NPHP4: variants seen among roughly 807,000 people sequenced by gnomAD.
NPHP4 encodes the protein nephrocystin 4.
A neutral mutation model predicts 155.8 loss-of-function variants in NPHP4; 151 were observed. The ratio of observed to expected loss-of-function variants is 0.97; its 90% CI spans 0.85 to 1.11. NPHP4 has a LOEUF of 1.11. NPHP4 is among the 50% of genes least tolerant of loss of function. NPHP4 has a pLI of 0.00. For missense variants in NPHP4, 1,956 were observed against 1,925.7 expected (o/e 1.02, Z -0.29); for synonymous variants, 845 against 816.8 (o/e 1.03, Z -0.59).
chr1:5,950,674 C>T (rs1279775272), intron 7 of NPHP4, among the ~76,000 whole-genome samples: 13 of 152,186 alleles, frequency 8.5e-5, no homozygotes, highest in Admixed American at 8.5e-4. Context: ...CTGGCTGCCA[C>T]AGGAGAGGCC....
intron 1 of NPHP4, among the ~76,000 whole-genome samples, chr1:5,986,991 C>G (rs1482504384): frequency 5.3e-5 from 8 of 151,966 alleles, no homozygotes; most frequent in African/African-American, 1.7e-4. Flanking sequence ...CCTGAAACTG[C>G]CCGGGGCCAC....
At chr1:5,979,696 T>C (rs1654329900) in intron 2 of NPHP4, among the ~76,000 whole-genome samples, 1 of 152,084 alleles carries the variant, frequency 6.6e-6, no homozygotes, top group Non-Finnish European at 1.5e-5. Flanking sequence ...CTAATTTTTG[T>C]ACTTTTTGTA....
intron 11 of NPHP4, among the ~76,000 whole-genome samples, chr1:5,927,192 C>A (rs569740086): frequency 6.6e-6 from 1 of 152,224 alleles, no homozygotes; most frequent in Non-Finnish European, 1.5e-5. Context: ...GCCCTTGCTG[C>A]TTGTAGCCAA....
chr1:5,950,658 C>A (rs778761295), intron 7 of NPHP4, among the ~76,000 whole-genome samples: 1 of 152,158 alleles, frequency 6.6e-6, no homozygotes, highest in Admixed American at 6.5e-5. Context: ...CGAGAGCAAG[C>A]CCAGACTGGC....
Position 5,964,941 on chromosome 1 carries a change from A to ATATT in NPHP4, c.517+2357_517+2358insAATA. On this transcript the variant is annotated intron_variant, in intron 5 of 29. Transcript: ENST00000378156. ...ATTATATATATATATATATATATATATTTTTTTTTTTTGAGGCAGGGTCTC... is the reference window on the plus strand; with the variant it reads ...ATTATATATATATATATATATATATATATTTTTTTTTTTTTTGAGGCAGGGTCTC... 1.1e-3 allele frequency among the ~76,000 whole-genome samples: 65 copies of ATATT among 59,396 alleles called. 2 individuals are homozygous for ATATT. The highest frequency in any genetic ancestry group is 0.013 in the Middle Eastern group (1 of 78). 39.0% of individuals were successfully genotyped at this position (59,396 alleles called of 152,430 possible). A position where few individuals can be genotyped will look rare whatever the true frequency, so the allele number is the denominator to read the frequency against.
chr1:5,891,933 G>A (rs971648728), intron 16 of NPHP4, among the ~76,000 whole-genome samples: 2 of 152,236 alleles, frequency 1.3e-5, no homozygotes, highest in Non-Finnish European at 2.9e-5. Context: ...TCCGGACAGG[G>A]GACCTAGGGG....
At chr1:5,964,941 A>ATTT (rs55734317) in intron 5 of NPHP4, among the ~76,000 whole-genome samples, 9 of 59,418 alleles carry the variant, frequency 1.5e-4, no homozygotes, top group African/African-American at 5.9e-4. Context: ...ATATATATAT[A>ATTT]TTTTTTTTTT....
In NPHP4 at chr1:5,863,978, G is replaced by C. The variant is rs1347409180; in HGVS notation, c.4052C>G (p.Thr1351Ser). The C allele has an allele frequency of 1.2e-6, 2 of 1,613,804 alleles. No homozygotes were observed. Among genetic ancestry groups the C allele is most frequent in the African/African-American group, 1.3e-5 (1 of 75,028 alleles). ...CCGGGAGGGGTAGGGGTTGGTGTAG[G>C]TGATCCTCTTGTTGACACCCTTCCC... ...GEGKGVNKRI[T>S]YTNPYPSRRT... The change falls in exon 29 of 30, where the codon ACC becomes AGC. Residue 1351 changes from threonine to serine, a missense_variant. Thr to Ser is a moderately conservative substitution (Grantham distance 58). Coordinates refer to ENST00000378156, the MANE Select transcript of NPHP4 (RefSeq NM_015102.5).
At chr1:5,873,754 C>T (rs1038883189) in intron 22 of NPHP4, 17 of 290,250 alleles carry the variant, frequency 5.9e-5, no homozygotes, top group African/African-American at 3.4e-4. Flanking sequence ...CGCACCCGGG[C>T]ATGACACACC....
At chr1:5,965,742 G>A (rs1651370257) in intron 5 of NPHP4, among the ~76,000 whole-genome samples, 1 of 152,086 alleles carries the variant, frequency 6.6e-6, no homozygotes, top group Admixed American at 6.5e-5. Flanking sequence ...AGCCCTTCTA[G>A]AGACTCCATC....
chr1:5,908,540 G>A (rs1645022651), intron 12 of NPHP4, among the ~76,000 whole-genome samples: 1 of 152,202 alleles, frequency 6.6e-6, no homozygotes, highest in African/African-American at 2.4e-5. Context: ...GAGCGCCACG[G>A]GTGTCTCGGG....
At chr1:5,881,058 C>G (rs1237873498) in intron 18 of NPHP4, 1 of 152,320 alleles carries the variant, frequency 6.6e-6, no homozygotes, top group Non-Finnish European at 1.5e-5. Context: ...CTGTTAAAAA[C>G]GGGAACCCCT....
At chr1:5,869,097 ACATG>A (rs918919281) in intron 23 of NPHP4, among the ~76,000 whole-genome samples, 7 of 145,574 alleles carry the variant, frequency 4.8e-5, no homozygotes, top group Admixed American at 2.7e-4. Context: ...ACACATGCAC[ACATG>A]CATGCACCCA....
At chr1:5,966,363 A>G (rs1327163328) in intron 5 of NPHP4, among the ~76,000 whole-genome samples, 5 of 152,270 alleles carry the variant, frequency 3.3e-5, no homozygotes, top group African/African-American at 1.2e-4. Context: ...CTCCCACCTC[A>G]GCCTCCTGAG....
chr1:5,964,941 A>ATATTTTTTTTTTTTTTTT, intron 5 of NPHP4, among the ~76,000 whole-genome samples: 6 of 59,428 alleles, frequency 1.0e-4, no homozygotes, highest in African/African-American at 5.1e-4. Flanking sequence ...ATATATATAT[A>ATATTTTTTTTTTTTTTTT]TTTTTTTTTT....
chr1:5,927,524 G>T, intron 11 of NPHP4, 125 bp downstream of exon 11: 2 of 1,050,564 alleles, frequency 1.9e-6, no homozygotes, highest in Non-Finnish European at 2.7e-6. Flanking sequence ...TTCCATTAAT[G>T]CAATCTACGA....
intron 18 of NPHP4, among the ~76,000 whole-genome samples, chr1:5,883,993 T>G (rs886176153): frequency 9.2e-5 from 14 of 152,168 alleles, no homozygotes; most frequent in African/African-American, 3.1e-4. Context: ...CATGACCGTT[T>G]CCTCTTACTA....
rs2100678099 is a variant in NPHP4 at position 5,877,284 on chromosome 1, G to A, written c.2626C>T (p.Gln876Ter). ...TGSSRRKHVV[Q>*]AQKLADVDSE... ...TCCACGTCCGCCAGCTTCTGTGCTT[G>A]CACCACGTGTTTTCCTGCGAAAGGG... The change falls in exon 20 of 30, where the codon CAA becomes TAA. Residue 876 changes from glutamine (Q) to a stop codon, truncating the protein, a stop_gained. Coordinates refer to ENST00000378156, the MANE Select transcript of NPHP4 (RefSeq NM_015102.5). LOFTEE classifies it high-confidence loss of function. 4 of 1,595,532 alleles carry A rather than the reference G, an allele frequency of 2.5e-6. No homozygotes were observed. The highest frequency in any genetic ancestry group is 3.4e-6 in the Non-Finnish European group (4 of 1,165,778).
chr1:5,923,666 G>A (rs1330556030), intron 11 of NPHP4, among the ~76,000 whole-genome samples: 3 of 152,194 alleles, frequency 2.0e-5, no homozygotes, highest in Non-Finnish European at 4.4e-5. Flanking sequence ...AGCCCTCTGG[G>A]GGCACCTGTC....
Sources: allele counts gnomAD v4.1 joint callset (sites outside exome capture counted in the v4.1 genomes callset), GRCh38; gene constraint gnomAD v4.1.1; transcripts MANE v1.5; gene names NCBI Gene and HGNC (gene_info 2026-07-23, HGNC 2026-07-21).